Variants in MACF1 observed in about 807,000 individuals in gnomAD.
MACF1 encodes microtubule actin crosslinking factor 1.
MACF1 carries 193 observed loss-of-function variants against 854.8 expected under a neutral mutation model. The observed-to-expected ratio is 0.23, with a 90% confidence interval of 0.20 to 0.25. The LOEUF (loss-of-function observed/expected upper bound fraction) is 0.25, where lower values mean the gene tolerates loss of function less well. MACF1 is among the 10% of genes least tolerant of loss of function. The pLI, the probability that MACF1 is intolerant of heterozygous loss-of-function variation, is 1.00. For missense variants in MACF1, 7,722 were observed against 8,929.1 expected (o/e 0.86, Z 5.45); for synonymous variants, 3,185 against 3,226.7 (o/e 0.99, Z 0.44).
chr1:39,300,162 C>T (rs760907254), intron 21 of MACF1, 48 bp from the exon 22 acceptor site: 1 of 1,593,244 alleles, frequency 6.3e-7, no homozygotes, highest in South Asian at 1.1e-5. Flanking sequence ...ACTTAGTCAC[C>T]CTGAGTAGCA....
intron 84 of MACF1, among the ~76,000 whole-genome samples, chr1:39,450,377 A>C (rs1399381085): frequency 6.6e-6 from 1 of 151,892 alleles, no homozygotes; most frequent in Admixed American, 6.6e-5. Context: ...ACTGATACAG[A>C]GCTAGGAGTT....
intron 1 of MACF1, among the ~76,000 whole-genome samples, chr1:39,219,845 G>C (rs1571188381): frequency 6.6e-6 from 1 of 152,100 alleles, no homozygotes; most frequent in East Asian, 1.9e-4. Flanking sequence ...CTGCCGCCCG[G>C]GTCCAAGCAG....
At position 39,477,127 on chromosome 1, in the gene MACF1, T is replaced by TACACACAC. The variant is rs1234149431; in HGVS notation, c.21959-2670_21959-2669insCACACACA. Among the ~76,000 whole-genome samples the TACACACAC allele has an allele frequency of 1.8e-4, 5 of 28,050 alleles. 1 individual carries two copies. Among genetic ancestry groups the TACACACAC allele is most frequent in the Non-Finnish European group, 3.3e-4 (5 of 15,012 alleles). The allele number at this position is 28,050 out of a possible 152,430, so 18.4% of individuals were successfully genotyped here. On this transcript the variant is annotated intron_variant, in intron 97 of 100. Transcript: ENST00000564288. The stretch of plus-strand genomic sequence containing the variant: ...CATATATACACTTAGTGTATATATA[T>TACACACAC]ATATATATACACACACACACACACA...
At position 39,142,476 on chromosome 1, in the gene MACF1, A is replaced by G. The variant is rs1429715036; in HGVS notation, c.220+58038A>G. On this transcript the variant is annotated intron_variant, in intron 2 of 93. Transcript: ENST00000361689. The stretch of plus-strand genomic sequence containing the variant: ...CAAATGACAGCTTACAGTGCTATGA[A>G]TGTACCTCTAGCTCATGGGTAAGGA... Among the ~76,000 whole-genome samples, 3 of 152,158 alleles carry G rather than the reference A, an allele frequency of 2.0e-5. No homozygotes were observed. In the East Asian group the frequency reaches 5.8e-4, roughly 29 times the overall value.
chr1:39,484,960 C>G (rs759797036), intron 100 of MACF1: 421 of 584,184 alleles, frequency 7.2e-4, no homozygotes, highest in Non-Finnish European at 1.1e-3. Flanking sequence ...CTGGGCCATG[C>G]GTTCTCATCA....
intron 58 of MACF1, 139 bp downstream of exon 58, chr1:39,388,797 G>A (rs761532683): frequency 5.8e-6 from 4 of 690,042 alleles, no homozygotes; most frequent in Non-Finnish European, 8.7e-6. Context: ...CACACTGTCT[G>A]AAGACTAAAT....
chr1:39,415,399 G>A (rs557499908), intron 58 of MACF1, among the ~76,000 whole-genome samples: 32 of 150,290 alleles, frequency 2.1e-4, no homozygotes, highest in African/African-American at 7.1e-4. Context: ...GCAGTGGTGC[G>A]ATCTCAGCTC....
rs778234716 is a variant in MACF1 at position 39,310,360 on chromosome 1, T to C, written c.3032T>C (p.Leu1011Ser). 1.8e-5 allele frequency: 29 copies of C among 1,614,028 alleles called. No homozygotes were observed. The African/African-American group carries it at 3.3e-4, about 19-fold the overall frequency. ...GTGCTGTTCTCAGTGGCTGATCGCT[T>C]GCGCTTGGAAGAGGAGGTGGAAGCT... Reference protein sequence around the residue: ...DSVLFSVADRLRLEEEVEACK... With the variant: ...DSVLFSVADRSRLEEEVEACK... Residue 1011 changes from leucine to serine, a missense_variant, in exon 25 of 101, where the codon TTG becomes TCG. This residue lies in a region of MACF1 where 1,137 missense variants were observed against 1,263.0 expected (regional missense o/e 0.90). Coordinates refer to ENST00000564288, the MANE Select transcript of MACF1 (RefSeq NM_001394062.1).
At position 39,337,347 on chromosome 1, in the gene MACF1, C is replaced by T. The variant is rs757659308; in HGVS notation, c.10215+16C>T. The T allele has an allele frequency of 5.6e-6, 9 of 1,611,356 alleles. No individual in the cohort carries two copies. The South Asian group carries it at 1.0e-4, about 18-fold the overall frequency. ...TCAGGCCAAGGTAGGTTCCCAGAGACTTCCACCACAGACACCAGCTTCAAG... is the reference window on the plus strand; with the variant it reads ...TCAGGCCAAGGTAGGTTCCCAGAGATTTCCACCACAGACACCAGCTTCAAG... On this transcript the variant is annotated intron_variant, in intron 38 of 100. Transcript: ENST00000564288.
chr1:39,202,031 A>G (rs1009730370), upstream of MACF1, among the ~76,000 whole-genome samples: 25 of 123,266 alleles, frequency 2.0e-4, no homozygotes, highest in Admixed American at 1.6e-3. Context: ...CAGTGGCGCA[A>G]TCTCGGCTCA....
At chr1:39,117,511 A>G (rs1333893036) in intron 2 of MACF1, among the ~76,000 whole-genome samples, 1 of 148,614 alleles carries the variant, frequency 6.7e-6, no homozygotes, top group Non-Finnish European at 1.5e-5. Flanking sequence ...GTCCAGTGCA[A>G]TTTGTCTCTC....
chr1:39,419,021 GAC>G (rs1643433213), intron 58 of MACF1, among the ~76,000 whole-genome samples: 1 of 152,182 alleles, frequency 6.6e-6, no homozygotes, highest in East Asian at 1.9e-4. Flanking sequence ...TTAATAACAT[GAC>G]ACAGTCCTAT....
At chr1:39,477,854 A>G (rs1570231397) in intron 97 of MACF1, among the ~76,000 whole-genome samples, 2 of 152,132 alleles carry the variant, frequency 1.3e-5, no homozygotes. Flanking sequence ...TGTGCAGTGC[A>G]TAGGGAACAT....
chr1:39,486,070 TA>T lies in MACF1; in HGVS notation c.*288del, dbSNP rs3839022. 0.09 allele frequency: 20,425 copies of T among 226,160 alleles called. 450 individuals are homozygous for T. Among genetic ancestry groups the T allele is most frequent in the East Asian group, 0.3 (3,397 of 11,264 alleles). The allele number at this position is 226,160 out of a possible 1,614,324, so 14.0% of individuals were successfully genotyped here. On this transcript the variant is annotated 3_prime_UTR_variant, in exon 101 of 101. Coordinates refer to ENST00000564288, the MANE Select transcript of MACF1 (RefSeq NM_001394062.1). ...AAAAGGTCAAGATACAAATGTGTATTAAAAAAAAAAAAGCCTATTAATAGGG... is the reference window on the plus strand; with the variant it reads ...AAAAGGTCAAGATACAAATGTGTATTAAAAAAAAAAAGCCTATTAATAGGG...
chr1:39,099,313 G>T (rs754993989), intron 2 of MACF1, among the ~76,000 whole-genome samples: 3 of 152,048 alleles, frequency 2.0e-5, no homozygotes, highest in Non-Finnish European at 2.9e-5. Flanking sequence ...CCACCATCAC[G>T]CCCGGCTAAT....
chr1:39,200,857 A>G (rs528097015), upstream of MACF1, among the ~76,000 whole-genome samples: 2 of 151,990 alleles, frequency 1.3e-5, no homozygotes, highest in African/African-American at 4.8e-5. Context: ...GGAGGATCAC[A>G]TGAGGCCAGG....
rs775069160 is a variant in MACF1 at position 39,310,783 on chromosome 1, T to C, written c.3101-48T>C. On this transcript the variant is annotated intron_variant, in intron 25 of 100. Transcript: ENST00000564288. ...TCATTAGTAGGATATCAGGTCTGCT[T>C]ATCTCTGATGTCGAGCTTACTGGTC... is the stretch of plus-strand genomic sequence containing the variant. 2.0e-6 allele frequency: 3 copies of C among 1,534,486 alleles called. No homozygotes were observed. In the African/African-American group the frequency reaches 4.1e-5, roughly 21 times the overall value.
In MACF1 at chr1:39,297,733, C is replaced by G; in HGVS notation, c.2469C>G (p.Leu823=). The G allele has an allele frequency of 6.2e-7, 1 of 1,614,108 alleles. No homozygotes were observed. Among genetic ancestry groups the G allele is most frequent in the South Asian group, 1.1e-5 (1 of 91,080 alleles). ...NTSLSRLEDL[L]QDSMDEKEQL... ...GCTTATCCCGCCTTGAAGACCTGCT[C>G]CAGGACTCCATGGTGGGTGTTGCCT... Residue 823 remains leucine (L), a synonymous_variant, in exon 21 of 101, where the codon CTC becomes CTG. Coordinates refer to ENST00000564288, the MANE Select transcript of MACF1 (RefSeq NM_001394062.1).
At chr1:39,107,603 T>C (rs1005942216) in intron 2 of MACF1, among the ~76,000 whole-genome samples, 2 of 152,200 alleles carry the variant, frequency 1.3e-5, no homozygotes, top group African/African-American at 4.8e-5. Flanking sequence ...ACTTTGCTTA[T>C]GGAATTCCTG....
Sources: allele counts gnomAD v4.1 joint callset (sites outside exome capture counted in the v4.1 genomes callset), GRCh38; gene constraint gnomAD v4.1.1; regional missense constraint gnomAD v4.1.1; transcripts MANE v1.5; gene names NCBI Gene and HGNC (gene_info 2026-07-23, HGNC 2026-07-21).